THSD7A: variants seen among roughly 807,000 people sequenced by gnomAD.
THSD7A encodes the protein thrombospondin type 1 domain containing 7A, also known as thrombospondin type-1 domain-containing protein 7A.
A neutral mutation model predicts 231.3 loss-of-function variants in THSD7A; 96 were observed. The ratio of observed to expected loss-of-function variants is 0.41; its 90% CI spans 0.35 to 0.49. The LOEUF (loss-of-function observed/expected upper bound fraction) is 0.49, where lower values mean the gene tolerates loss of function less well. Among genes scored for constraint, THSD7A ranks in the 20% least tolerant of loss-of-function variants. THSD7A has a pLI of 0.05. For synonymous variants in THSD7A, 940 were observed against 743.3 expected, an observed-to-expected ratio of 1.26 and a Z score of -4.30; for missense variants, 2,290 against 2,070.2, an observed-to-expected ratio of 1.11 and a Z score of -2.06.
At chr7:11,719,000 T>A (rs1781249427) in intron 1 of THSD7A, among the ~76,000 whole-genome samples, 1 of 151,682 alleles carries the variant, frequency 6.6e-6, no homozygotes. Flanking sequence ...ATTTTATAGC[T>A]GCCATTGAAA....
chr7:11,425,003 T>C (rs1489638641), intron 15 of THSD7A, among the ~76,000 whole-genome samples, 174 bp from the exon 16 acceptor site: 1 of 152,206 alleles, frequency 6.6e-6, no homozygotes, highest in East Asian at 1.9e-4. Flanking sequence ...CAGTAGAGGA[T>C]AGGGCTAACC....
At chr7:11,623,581 G>C (rs1235307388) in intron 2 of THSD7A, among the ~76,000 whole-genome samples, 1 of 152,084 alleles carries the variant, frequency 6.6e-6, no homozygotes, top group African/African-American at 2.4e-5. Context: ...CTCTTCTATT[G>C]CAGTTCAGGA....
rs1373430943 is a variant in THSD7A at position 11,574,601 on chromosome 7, A to T, written c.1453+15859T>A. On this transcript the variant is annotated intron_variant, in intron 4 of 27. Transcript: ENST00000423059. ...AGGCGCCCACCACCACGCCCGGCTA[A>T]TTTTTTTTTTTTTTTTAGTAGAGAT... is the stretch of plus-strand genomic sequence containing the variant. Among the ~76,000 whole-genome samples the T allele has an allele frequency of 2.9e-5, 4 of 140,052 alleles. No individual in the cohort carries two copies. In the East Asian group the frequency reaches 6.2e-4, roughly 22 times the overall value. The allele number at this position is 140,052 out of a possible 152,430, so 91.9% of individuals were successfully genotyped here. A position where few individuals can be genotyped will look rare whatever the true frequency, so the allele number is the denominator to read the frequency against.
chr7:11,710,790 A>G (rs1322086117), intron 1 of THSD7A, among the ~76,000 whole-genome samples: 3 of 150,952 alleles, frequency 2.0e-5, no homozygotes. Context: ...TGTACTTTAG[A>G]TCAGCAGCAG....
At chr7:11,439,601 G>C (rs929409932) in intron 13 of THSD7A, among the ~76,000 whole-genome samples, 2 of 152,016 alleles carry the variant, frequency 1.3e-5, no homozygotes, top group African/African-American at 4.8e-5. Flanking sequence ...AAGTACTAGA[G>C]TGTTATTGCT....
Position 11,820,749 on chromosome 7 carries a change from C to A in THSD7A, c.190+11008G>T. 2.5e-6 allele frequency: 3 copies of A among 1,210,014 alleles called. No homozygotes were observed. The East Asian group carries it at 7.0e-5, about 28-fold the overall frequency. The allele number at this position is 1,210,014 out of a possible 1,614,324, so 75.0% of individuals were successfully genotyped here. On this transcript the variant is annotated intron_variant, in intron 1 of 27. Coordinates refer to ENST00000423059, the MANE Select transcript of THSD7A (RefSeq NM_015204.3). ...TTCTCTGTCTCTTCAGTGTACTCTT[C>A]TGCTTTGTAGGAGTGAGATGACCGG...
At chr7:11,437,914 T>G (rs1471231600) in intron 13 of THSD7A, among the ~76,000 whole-genome samples, 1 of 152,076 alleles carries the variant, frequency 6.6e-6, no homozygotes, top group Non-Finnish European at 1.5e-5. Context: ...CAGTTTTATC[T>G]TGAGTTCCAT....
intron 4 of THSD7A, among the ~76,000 whole-genome samples, chr7:11,561,007 G>C (rs1477126009): frequency 6.6e-6 from 1 of 152,126 alleles, no homozygotes; most frequent in Non-Finnish European, 1.5e-5. Flanking sequence ...AAACCCATGA[G>C]GTAGGTATTC....
At chr7:11,696,514 C>T (rs1439152915) in intron 1 of THSD7A, among the ~76,000 whole-genome samples, 1 of 151,326 alleles carries the variant, frequency 6.6e-6, no homozygotes. Context: ...TGGTTTGCTG[C>T]ACCTCTCAAC....
intron 1 of THSD7A, among the ~76,000 whole-genome samples, chr7:11,738,851 C>A (rs1302594025): frequency 6.6e-6 from 1 of 151,974 alleles, no homozygotes. Flanking sequence ...CCTGCCATTA[C>A]CTTGATTGTT....
chr7:11,548,561 A>T (rs1179372403), intron 4 of THSD7A, among the ~76,000 whole-genome samples: 1 of 152,108 alleles, frequency 6.6e-6, no homozygotes, highest in African/African-American at 2.4e-5. Flanking sequence ...AACAACAAAA[A>T]AGAAAACTTT....
chr7:11,506,968 A>G (rs76679376), intron 6 of THSD7A, among the ~76,000 whole-genome samples: 1 of 152,028 alleles, frequency 6.6e-6, no homozygotes, highest in African/African-American at 2.4e-5. Context: ...TTCTCCCTAC[A>G]ATGTAAGTTC....
At chr7:11,594,216 C>T (rs1421704615) in intron 2 of THSD7A, among the ~76,000 whole-genome samples, 1 of 152,158 alleles carries the variant, frequency 6.6e-6, no homozygotes, top group African/African-American at 2.4e-5. Context: ...GCTCTCCTTG[C>T]TCCTCAGCTT....
chr7:11,392,207 T>A (rs912095108), intron 23 of THSD7A, among the ~76,000 whole-genome samples: 4 of 151,954 alleles, frequency 2.6e-5, no homozygotes, highest in Admixed American at 2.6e-4. Context: ...GCTCATCTCA[T>A]TGGGACTGGC....
At chr7:11,562,006 C>G (rs1251420916) in intron 4 of THSD7A, among the ~76,000 whole-genome samples, 2 of 152,112 alleles carry the variant, frequency 1.3e-5, no homozygotes, top group Non-Finnish European at 2.9e-5. Flanking sequence ...CCCCCAGTTC[C>G]CACCCAACTC....
At chr7:11,496,191 G>A (rs1369914251) in intron 6 of THSD7A, among the ~76,000 whole-genome samples, 1 of 152,082 alleles carries the variant, frequency 6.6e-6, no homozygotes, top group Middle Eastern at 3.4e-3. Context: ...AGGATTTAGC[G>A]GATATAATTT....
At chr7:11,389,305 CAGTT>C (rs1023239997) in intron 23 of THSD7A, among the ~76,000 whole-genome samples, 88 of 151,674 alleles carry the variant, frequency 5.8e-4, no homozygotes, top group African/African-American at 1.9e-3. Context: ...ATATTTAAGA[CAGTT>C]AGCTGTTCTT....
In THSD7A at chr7:11,481,222, A is replaced by G. The variant is rs181504038; in HGVS notation, c.2017+566T>C. Among the ~76,000 whole-genome samples, 631 of 152,280 alleles carry G rather than the reference A, an allele frequency of 4.1e-3. 9 individuals are homozygous for G. The highest frequency in any genetic ancestry group is 1.9e-3 in the Non-Finnish European group (127 of 68,008). The stretch of plus-strand genomic sequence containing the variant: ...ATGCTTTATTCACCCTATAGGGTGA[A>G]GAGATTTAGGAGCAACATATTTTAA... On this transcript the variant is annotated intron_variant, in intron 7 of 27. Coordinates refer to ENST00000423059, the MANE Select transcript of THSD7A (RefSeq NM_015204.3).
At chr7:11,614,274 G>A (rs918744965) in intron 2 of THSD7A, among the ~76,000 whole-genome samples, 2 of 152,276 alleles carry the variant, frequency 1.3e-5, no homozygotes, top group African/African-American at 2.4e-5. Flanking sequence ...CATAAATGGT[G>A]AGCGCTTCCA....
Sources: gnomAD v4.1 joint callset for allele counts (sites outside exome capture counted in the v4.1 genomes callset) on GRCh38, gnomAD v4.1.1 for gene constraint, MANE v1.5 for transcripts, NCBI Gene and HGNC (gene_info 2026-07-23, HGNC 2026-07-21) for gene names.